The following SPHKAP variants were observed in gnomAD, a reference collection of about 807,000 sequenced individuals.
SPHKAP encodes SPHK1 interactor, AKAP domain containing.
Under a neutral mutation model 137.5 loss-of-function variants are expected in SPHKAP, and 67 were observed. The observed-to-expected ratio is 0.49, with a 90% CI of 0.40 to 0.60. The LOEUF is 0.60. SPHKAP is among the 20% of genes least tolerant of loss of function. The pLI is 0.00. For synonymous variants in SPHKAP, 813 were observed against 785.3 expected, an observed-to-expected ratio of 1.04 and a Z score of -0.59; for missense variants, 2,097 against 2,069.3, an observed-to-expected ratio of 1.01 and a Z score of -0.26.
chr2:228,030,657 C>A (rs1695272195), intron 3 of SPHKAP, among the ~76,000 whole-genome samples: 1 of 149,692 alleles, frequency 6.7e-6, no homozygotes, highest in Admixed American at 6.6e-5. Flanking sequence ...AAAGGGCTGG[C>A]AAATACTAAA....
intron 1 of SPHKAP, among the ~76,000 whole-genome samples, chr2:228,140,874 A>C (rs1469634383): frequency 6.6e-6 from 1 of 152,048 alleles, no homozygotes; most frequent in Non-Finnish European, 1.5e-5. Flanking sequence ...TCATGATTAT[A>C]AGCTTCCAGA....
chr2:228,134,197 G>C (rs1699360007), intron 1 of SPHKAP, among the ~76,000 whole-genome samples: 1 of 146,246 alleles, frequency 6.8e-6, no homozygotes, highest in South Asian at 2.2e-4. Flanking sequence ...AAGGAAGGAG[G>C]GAGGGAGCGA....
At chr2:228,045,513 C>A (rs530376660) in intron 3 of SPHKAP, among the ~76,000 whole-genome samples, 1 of 151,700 alleles carries the variant, frequency 6.6e-6, no homozygotes, top group Non-Finnish European at 1.5e-5. Flanking sequence ...AAACCAAACA[C>A]CACATGTTCT....
chr2:228,095,238 G>A (rs1697944030), intron 3 of SPHKAP, among the ~76,000 whole-genome samples: 1 of 152,138 alleles, frequency 6.6e-6, no homozygotes, highest in Non-Finnish European at 1.5e-5. Context: ...ACAGGCACTT[G>A]GGCATCAAGT....
At chr2:228,110,267 G>A (rs1053260878) in intron 2 of SPHKAP, among the ~76,000 whole-genome samples, 2 of 151,576 alleles carry the variant, frequency 1.3e-5, no homozygotes, top group African/African-American at 4.8e-5. Flanking sequence ...CATTTTAGAT[G>A]AGTAATATTA....
chr2:228,094,470 C>A (rs1697917816), intron 3 of SPHKAP, among the ~76,000 whole-genome samples: 1 of 152,170 alleles, frequency 6.6e-6, no homozygotes, highest in Non-Finnish European at 1.5e-5. Flanking sequence ...CTTGTACATT[C>A]TATTTGTTTA....
In SPHKAP at chr2:228,018,255, G is replaced by A. The variant is rs867742232; in HGVS notation, c.2599C>T (p.Gln867Ter). Residue 867 changes from glutamine (Q) to a stop codon, truncating the protein, a stop_gained, in exon 7 of 12, where the codon CAG (glutamine) becomes TAG (stop). Coordinates refer to ENST00000392056, the MANE Select transcript of SPHKAP (RefSeq NM_001142644.2). LOFTEE classifies it high-confidence loss of function. Reference protein sequence around the residue: ...SEGQRSPTVSQSRSGSQEAEE... With the variant: ...SEGQRSPTVS ...GCCTCCTGGGAACCACTTCTGGACT[G>A]GCTGACCGTTGGGGACCTTTGTCCT... is the stretch of plus-strand genomic sequence containing the variant. The A allele has an allele frequency of 1.2e-6, 2 of 1,614,148 alleles. No individual in the cohort carries two copies. The highest frequency in any genetic ancestry group is 1.1e-5 in the South Asian group (1 of 91,076).
At chr2:228,157,708 C>T (rs192229823) in intron 1 of SPHKAP, among the ~76,000 whole-genome samples, 59 of 151,924 alleles carry the variant, frequency 3.9e-4, no homozygotes, top group Admixed American at 2.4e-3. Flanking sequence ...GGGAAGCTTA[C>T]GGAGGAAAGC....
At chr2:228,011,990 A>G (rs945616197) in intron 7 of SPHKAP, among the ~76,000 whole-genome samples, 3 of 151,846 alleles carry the variant, frequency 2.0e-5, no homozygotes, top group African/African-American at 7.3e-5. Flanking sequence ...ACAGAATGAC[A>G]TCTCCATCTC....
At chr2:228,124,340 C>A (rs1039311110) in intron 2 of SPHKAP, among the ~76,000 whole-genome samples, 8 of 151,932 alleles carry the variant, frequency 5.3e-5, no homozygotes, top group African/African-American at 1.9e-4. Context: ...ACCCAAATGT[C>A]CAACAATGAT....
chr2:228,074,848 T>G (rs1697124285), intron 3 of SPHKAP, among the ~76,000 whole-genome samples: 1 of 152,140 alleles, frequency 6.6e-6, no homozygotes, highest in South Asian at 2.1e-4. Context: ...CTCTCTCCTT[T>G]CTCTCCTGTT....
At chr2:228,069,961 C>A (rs1270710812) in intron 3 of SPHKAP, among the ~76,000 whole-genome samples, 1 of 152,134 alleles carries the variant, frequency 6.6e-6, no homozygotes, top group African/African-American at 2.4e-5. Flanking sequence ...CAGCTGGGAT[C>A]AGGAACACGT....
chr2:228,148,362 T>C (rs556859503), intron 1 of SPHKAP, among the ~76,000 whole-genome samples: 3 of 152,342 alleles, frequency 2.0e-5, no homozygotes, highest in Admixed American at 2.0e-4. Flanking sequence ...GTCTGCCACC[T>C]GTCTAGTCTT....
chr2:228,048,243 C>T (rs770383724), intron 3 of SPHKAP, among the ~76,000 whole-genome samples: 3 of 151,074 alleles, frequency 2.0e-5, no homozygotes, highest in South Asian at 2.1e-4. Flanking sequence ...TCAACCCTGA[C>T]GTAAAACTCA....
At chr2:228,054,626 C>T (rs553968601) in intron 3 of SPHKAP, among the ~76,000 whole-genome samples, 129 of 152,198 alleles carry the variant, frequency 8.5e-4, no homozygotes, top group Non-Finnish European at 1.4e-3. Flanking sequence ...CACTAACCTC[C>T]ACAATCAGAA....
intron 1 of SPHKAP, among the ~76,000 whole-genome samples, chr2:228,156,640 C>T (rs1469208796): frequency 2.0e-5 from 3 of 152,064 alleles, no homozygotes; most frequent in African/African-American, 4.8e-5. Flanking sequence ...TGGCTGTGTC[C>T]CCACCCAAAT....
chr2:227,991,245 T>C (rs1160306701), intron 10 of SPHKAP, 29 bp downstream of exon 10: 1 of 1,614,186 alleles, frequency 6.2e-7, no homozygotes. Context: ...CAGGCAATTG[T>C]GTGTCAAAAG....
At chr2:228,131,824 T>A (rs1199056233) in intron 2 of SPHKAP, 156 bp downstream of exon 2, 4 of 977,692 alleles carry the variant, frequency 4.1e-6, no homozygotes, top group South Asian at 9.5e-5. Flanking sequence ...ATTAAAATTT[T>A]AATGTTATCA....
At chr2:228,081,741 G>A (rs991582651) in intron 3 of SPHKAP, among the ~76,000 whole-genome samples, 1 of 152,128 alleles carries the variant, frequency 6.6e-6, no homozygotes, top group East Asian at 1.9e-4. Context: ...GTTTTAAAAC[G>A]TTAAATTCAT....
Sources: allele counts gnomAD v4.1 joint callset (sites outside exome capture counted in the v4.1 genomes callset), GRCh38; gene constraint gnomAD v4.1.1; transcripts MANE v1.5; gene names NCBI Gene and HGNC (gene_info 2026-07-23, HGNC 2026-07-21).